The following SNX14 variants were observed in gnomAD, a reference collection of about 807,000 sequenced individuals.
SNX14 encodes the protein sorting nexin 14, also known as sorting nexin-14.
Under a neutral mutation model 133.8 loss-of-function variants are expected in SNX14, and 93 were observed. That is an observed-to-expected ratio of 0.70 (90% CI 0.59 to 0.83). The LOEUF (loss-of-function observed/expected upper bound fraction) is 0.83, where lower values mean the gene tolerates loss of function less well. Among genes scored for constraint, SNX14 ranks in the 40% least tolerant of loss-of-function variants. The pLI is 0.00. For missense variants in SNX14, 945 were observed against 1,094.9 expected, an observed-to-expected ratio of 0.86 and a Z score of 1.93; for synonymous variants, 368 against 365.6, an observed-to-expected ratio of 1.01 and a Z score of -0.07.
intron 9 of SNX14, 24 bp downstream of exon 9, chr6:85,548,277 T>TA: frequency 6.4e-7 from 1 of 1,553,306 alleles, no homozygotes; most frequent in Non-Finnish European, 8.8e-7. Flanking sequence ...TTGTAACAAT[T>TA]TAAAAAAAAA....
At chr6:85,534,910 G>A (rs1411506445) in intron 17 of SNX14, among the ~76,000 whole-genome samples, 4 of 148,730 alleles carry the variant, frequency 2.7e-5, no homozygotes, top group Non-Finnish European at 5.9e-5. Flanking sequence ...CACGTACGTG[G>A]CATTTAAATT....
chr6:85,527,440 G>A (rs1226191382), intron 20 of SNX14, among the ~76,000 whole-genome samples: 1 of 151,006 alleles, frequency 6.6e-6, no homozygotes, highest in Non-Finnish European at 1.5e-5. Context: ...ACAGTTCAGA[G>A]ACAGGAAATA....
intron 6 of SNX14, among the ~76,000 whole-genome samples, chr6:85,559,296 G>A (rs758215704): frequency 2.0e-5 from 3 of 151,944 alleles, no homozygotes; most frequent in South Asian, 2.1e-4. Flanking sequence ...CTTGGTACTC[G>A]CTTATAAATT....
At chr6:85,587,207 CAA>C (rs61330164) in intron 1 of SNX14, among the ~76,000 whole-genome samples, 3 of 147,112 alleles carry the variant, frequency 2.0e-5, no homozygotes, top group Non-Finnish European at 1.5e-5. Flanking sequence ...AAAGATAAGG[CAA>C]AAAAAAAAAT....
rs768134666 is a variant in SNX14, at chr6:85,549,870, G to T, written c.644C>A (p.Thr215Lys). Residue 215 changes from threonine (T) to lysine (K), a missense_variant, in exon 8 of 29, where the codon ACA becomes AAA. Physicochemically the swap from Thr to Lys is moderately conservative, Grantham distance 78. Transcript: ENST00000314673. ...IVKARQKVKN[T>K]EFLQQAALEE... ...TAAAGCAGCTTGCTGTAAAAACTCT[G>T]TATTTTTTACTATAGAGATTAAAGA... 19 of 1,602,776 alleles carry T rather than the reference G, an allele frequency of 1.2e-5. No individual in the cohort carries two copies. The highest frequency in any genetic ancestry group is 3.3e-4 in the Middle Eastern group (2 of 5,978).
rs566012767 is a variant in SNX14 at position 85,538,791 on chromosome 6, T to G, written c.1475+47A>C. 3.2e-6 allele frequency: 5 copies of G among 1,546,818 alleles called. No homozygotes were observed. In the South Asian group the frequency reaches 6.0e-5, roughly 19 times the overall value. On this transcript the variant is annotated intron_variant, in intron 16 of 28. Transcript: ENST00000314673. Reference sequence around the variant, plus strand: ...TGTATTAGGTTGTTCACAATGTACTTTCTAAAAACATTTAATACTGAAAAG... The same window carrying G: ...TGTATTAGGTTGTTCACAATGTACTGTCTAAAAACATTTAATACTGAAAAG...
intron 6 of SNX14, among the ~76,000 whole-genome samples, chr6:85,564,253 G>A (rs1395815121): frequency 6.6e-6 from 1 of 152,228 alleles, no homozygotes; most frequent in Non-Finnish European, 1.5e-5. Flanking sequence ...TGTCTTTAGA[G>A]CAGCATGATT....
intron 15 of SNX14, 75 bp from the exon 16 acceptor site, chr6:85,538,939 T>C (rs1782767223): frequency 2.3e-6 from 3 of 1,329,682 alleles, no homozygotes; most frequent in African/African-American, 3.0e-5. Flanking sequence ...AACTTCATTT[T>C]AGAACACAAA....
chr6:85,551,806 A>C (rs1787925550), intron 7 of SNX14, among the ~76,000 whole-genome samples: 1 of 152,248 alleles, frequency 6.6e-6, no homozygotes. Flanking sequence ...AACTATTTAA[A>C]GTAGAAACCC....
chr6:85,522,434 T>C (rs1777186843), intron 21 of SNX14, among the ~76,000 whole-genome samples: 2 of 152,250 alleles, frequency 1.3e-5, no homozygotes, highest in African/African-American at 4.8e-5. Context: ...TTGATTTGGA[T>C]TGGGACTGTA....
At chr6:85,530,965 T>C (rs1315436350) in intron 18 of SNX14, among the ~76,000 whole-genome samples, 20 of 152,196 alleles carry the variant, frequency 1.3e-4, no homozygotes, top group Admixed American at 1.2e-3. Flanking sequence ...CCTAATTTAA[T>C]ATAGTATAGA....
intron 1 of SNX14, among the ~76,000 whole-genome samples, chr6:85,588,636 G>A (rs1213981521): frequency 6.6e-6 from 1 of 151,606 alleles, no homozygotes; most frequent in Non-Finnish European, 1.5e-5. Context: ...ATCAGATAAA[G>A]ACAATATACA....
intron 7 of SNX14, among the ~76,000 whole-genome samples, chr6:85,556,370 C>A (rs1167271840): frequency 6.6e-6 from 1 of 151,832 alleles, no homozygotes; most frequent in Non-Finnish European, 1.5e-5. Context: ...TTGAAACCAG[C>A]CTGAGCAACA....
At position 85,543,237 on chromosome 6, in the gene SNX14, T is replaced by C. The variant is rs774329796; in HGVS notation, c.1334A>G (p.His445Arg). ...TMRCLFEAYE[H>R]VLSLLENVFT... is the part of the protein sequence containing the mutation. The stretch of plus-strand genomic sequence containing the variant: ...TACATTCTCCAAAAGGGAAAGAACA[T>C]GTTCATATGCTTCAAAAAGACATCT... Residue 445 changes from histidine to arginine, a missense_variant, in exon 14 of 29, where the codon CAT becomes CGT. Physicochemically the swap from His to Arg is conservative, Grantham distance 29. Around this residue, in one of 3 missense-constraint regions of SNX14, gnomAD observed 514 missense variants for 538.8 expected, o/e 0.95. Transcript: ENST00000314673. 2.5e-6 allele frequency: 4 copies of C among 1,603,988 alleles called. No individual in the cohort carries two copies. Among genetic ancestry groups the C allele is most frequent in the Non-Finnish European group, 3.4e-6 (4 of 1,176,114 alleles).
chr6:85,520,189 C>A (rs1002692846), intron 21 of SNX14, among the ~76,000 whole-genome samples: 2 of 151,296 alleles, frequency 1.3e-5, no homozygotes, highest in Non-Finnish European at 2.9e-5. Context: ...ATTATAGGTG[C>A]ACGCCACCAC....
At chr6:85,565,736 T>C (rs1350873633) in intron 5 of SNX14, among the ~76,000 whole-genome samples, 1 of 152,120 alleles carries the variant, frequency 6.6e-6, no homozygotes, top group Non-Finnish European at 1.5e-5. Context: ...TTCAAAGAAA[T>C]AAAACAATGA....
At chr6:85,590,230 A>G (rs534082651) in intron 1 of SNX14, among the ~76,000 whole-genome samples, 7 of 152,302 alleles carry the variant, frequency 4.6e-5, no homozygotes, top group African/African-American at 1.7e-4. Flanking sequence ...GGGGTTAGAC[A>G]CTTCATAGAC....
intron 17 of SNX14, 98 bp downstream of exon 17, chr6:85,536,694 C>T (rs1782053896): frequency 9.4e-6 from 11 of 1,174,600 alleles, no homozygotes; most frequent in Non-Finnish European, 1.3e-5. Context: ...ACAGAATACA[C>T]AGATTCTCCA....
rs745965694 is a variant in SNX14, at chr6:85,574,326, A to G, written c.193T>C (p.Phe65Leu). 10 of 1,588,004 alleles carry G rather than the reference A, an allele frequency of 6.3e-6. No individual in the cohort carries two copies. The Admixed American group carries it at 1.3e-4, about 21-fold the overall frequency. The change falls in exon 2 of 29, where the codon TTC becomes CTC. Residue 65 changes from phenylalanine (F) to leucine (L), a missense_variant. Physicochemically the swap from Phe to Leu is conservative, Grantham distance 22. Transcript: ENST00000314673. ...FWSFVAGVVT[F>L]YCSLGPDSLL... Reference sequence around the variant, plus strand: ...GAATCAGGTCCTAGTGAGCAGTAGAATGTGACAACTCCAGCAACAAATGAC... The same window carrying G: ...GAATCAGGTCCTAGTGAGCAGTAGAGTGTGACAACTCCAGCAACAAATGAC...
Sources: gnomAD v4.1 joint callset for allele counts (sites outside exome capture counted in the v4.1 genomes callset) on GRCh38, gnomAD v4.1.1 for gene constraint, gnomAD v4.1.1 regional missense constraint, MANE v1.5 for transcripts, NCBI Gene and HGNC (gene_info 2026-07-23, HGNC 2026-07-21) for gene names.